The following MACROD2 variants were observed in gnomAD, a reference collection of about 807,000 sequenced individuals.
MACROD2 encodes mono-ADP ribosylhydrolase 2.
A neutral mutation model predicts 70.4 loss-of-function variants in MACROD2; 36 were observed. The observed-to-expected ratio is 0.51, with a 90% confidence interval of 0.39 to 0.68. MACROD2 has a LOEUF of 0.68. MACROD2 is among the 30% of genes least tolerant of loss of function. The pLI, the probability that MACROD2 is intolerant of heterozygous loss-of-function variation, is 0.00. For missense variants in MACROD2, 496 were observed against 538.4 expected, an observed-to-expected ratio of 0.92 and a Z score of 0.78; for synonymous variants, 172 against 178.8, an observed-to-expected ratio of 0.96 and a Z score of 0.30.
intron 5 of MACROD2, among the ~76,000 whole-genome samples, chr20:14,727,895 G>A (rs1217813822): frequency 6.6e-6 from 1 of 152,004 alleles, no homozygotes; most frequent in African/African-American, 2.4e-5. Context: ...CTTTATATTA[G>A]TGACTATTTT....
intron 3 of MACROD2, among the ~76,000 whole-genome samples, chr20:14,169,397 T>A (rs2081199605): frequency 6.6e-6 from 1 of 152,074 alleles, no homozygotes; most frequent in African/African-American, 2.4e-5. Context: ...CTCCGCCTAC[T>A]GTGTTCAAGC....
intron 5 of MACROD2, among the ~76,000 whole-genome samples, chr20:14,979,937 C>T (rs984405862): frequency 6.6e-6 from 1 of 152,102 alleles, no homozygotes; most frequent in Non-Finnish European, 1.5e-5. Context: ...GATGATAATA[C>T]CTTCTTGGTA....
At chr20:15,655,628 G>T (rs1437506560) in intron 8 of MACROD2, among the ~76,000 whole-genome samples, 1 of 152,092 alleles carries the variant, frequency 6.6e-6, no homozygotes, top group African/African-American at 2.4e-5. Context: ...AATGTATATA[G>T]GAAAAGACAC....
intron 5 of MACROD2, among the ~76,000 whole-genome samples, chr20:14,971,843 T>C (rs1466697550): frequency 6.6e-6 from 1 of 152,126 alleles, no homozygotes; most frequent in Non-Finnish European, 1.5e-5. Context: ...ACTACACAAG[T>C]TGATGGCAAA....
chr20:15,534,497 T>C (rs2047847355), intron 8 of MACROD2, among the ~76,000 whole-genome samples: 3 of 152,188 alleles, frequency 2.0e-5, no homozygotes, highest in Admixed American at 6.5e-5. Context: ...ATACATTCAT[T>C]CTCCCTCCCT....
intron 5 of MACROD2, among the ~76,000 whole-genome samples, chr20:15,074,621 T>G (rs1219489347): frequency 6.6e-6 from 1 of 152,208 alleles, no homozygotes; most frequent in African/African-American, 2.4e-5. Flanking sequence ...ACCTGTGGTA[T>G]CTGGCACTAT....
Position 16,003,119 on chromosome 20 carries a change from CACAA to C in MACROD2, c.1153+15966_1153+15969del, listed in dbSNP as rs1401756952. On this transcript the variant is annotated intron_variant, in intron 15 of 17. Coordinates refer to ENST00000684519, the MANE Select transcript of MACROD2 (RefSeq NM_001351661.2). ...ACACACACACACACACACACACACA[CACAA>C]ACAATCTCTACCCTCAAGGGGAAGC... 9.8e-4 allele frequency among the ~76,000 whole-genome samples: 141 copies of C among 143,818 alleles called. No individual in the cohort carries two copies. The Middle Eastern group carries it at 0.011, about 12-fold the overall frequency. 94.4% of individuals were successfully genotyped at this position (143,818 alleles called of 152,430 possible). A position where few individuals can be genotyped will look rare whatever the true frequency, so the allele number is the denominator to read the frequency against.
chr20:15,709,562 G>A (rs1373412770), intron 8 of MACROD2, among the ~76,000 whole-genome samples: 2 of 152,154 alleles, frequency 1.3e-5, no homozygotes, highest in Admixed American at 1.3e-4. Context: ...AGCTACTCGG[G>A]AAGCTGAGGT....
chr20:15,545,158 A>G (rs1203036377), intron 8 of MACROD2, among the ~76,000 whole-genome samples: 1 of 152,230 alleles, frequency 6.6e-6, no homozygotes. Flanking sequence ...GGAAATGAAT[A>G]TTATTTGTTC....
At chr20:14,349,761 G>A (rs950023392) in intron 3 of MACROD2, among the ~76,000 whole-genome samples, 31 of 149,808 alleles carry the variant, frequency 2.1e-4, no homozygotes, top group African/African-American at 7.1e-4. Context: ...GTAATATAAT[G>A]ACCTTCAGTT....
At chr20:14,387,354 C>T (rs2083479816) in intron 3 of MACROD2, among the ~76,000 whole-genome samples, 2 of 151,884 alleles carry the variant, frequency 1.3e-5, no homozygotes, top group South Asian at 4.1e-4. Context: ...ATTTGTTTAA[C>T]AAGTTTTTTC....
rs531208811 is a variant in MACROD2 at position 15,149,376 on chromosome 20, G to T, written c.419-80564G>T. 3.9e-5 allele frequency among the ~76,000 whole-genome samples: 6 copies of T among 152,122 alleles called. No individual in the cohort carries two copies. In the East Asian group the frequency reaches 1.2e-3, roughly 29 times the overall value. ...TGGAGCTGCCATCAGTAAACCAAGTGTGATCAGGGTGAGGAACAGGAAAGA... is the reference window on the plus strand; with the variant it reads ...TGGAGCTGCCATCAGTAAACCAAGTTTGATCAGGGTGAGGAACAGGAAAGA... On this transcript the variant is annotated intron_variant, in intron 5 of 17. Coordinates refer to ENST00000684519, the MANE Select transcript of MACROD2 (RefSeq NM_001351661.2).
chr20:14,197,643 T>G (rs2081443899), intron 3 of MACROD2, among the ~76,000 whole-genome samples: 1 of 151,998 alleles, frequency 6.6e-6, no homozygotes, highest in East Asian at 1.9e-4. Flanking sequence ...GGTGGGCGCC[T>G]GTAATCCCAG....
At chr20:15,208,648 C>G (rs1433824028) in intron 5 of MACROD2, among the ~76,000 whole-genome samples, 1 of 152,186 alleles carries the variant, frequency 6.6e-6, no homozygotes, top group Non-Finnish European at 1.5e-5. Flanking sequence ...TCCTTTGACA[C>G]TCCAGGGAGG....
chr20:14,781,919 C>A (rs573979349), intron 5 of MACROD2, among the ~76,000 whole-genome samples: 1 of 151,590 alleles, frequency 6.6e-6, no homozygotes, highest in South Asian at 2.1e-4. Context: ...ATTTCTTTTT[C>A]TGTTTTTCTT....
At chr20:14,650,906 G>T (rs549699335) in intron 4 of MACROD2, among the ~76,000 whole-genome samples, 4 of 152,270 alleles carry the variant, frequency 2.6e-5, no homozygotes, top group African/African-American at 9.6e-5. Flanking sequence ...CCCAAACAGG[G>T]ATAGTTAAGT....
chr20:14,358,677 C>T (rs539713599), intron 3 of MACROD2, among the ~76,000 whole-genome samples: 2 of 152,022 alleles, frequency 1.3e-5, no homozygotes, highest in South Asian at 2.1e-4. Context: ...AGGATGGTCT[C>T]GATTTCTTGA....
intron 4 of MACROD2, among the ~76,000 whole-genome samples, chr20:14,529,647 AT>A (rs1371489434): frequency 6.6e-6 from 1 of 152,202 alleles, no homozygotes; most frequent in Non-Finnish European, 1.5e-5. Context: ...GCCAAGACTG[AT>A]CAAGGTTTAT....
chr20:15,517,110 C>T (rs2047578526), intron 8 of MACROD2, among the ~76,000 whole-genome samples: 1 of 152,034 alleles, frequency 6.6e-6, no homozygotes, highest in Admixed American at 6.6e-5. Flanking sequence ...TGGGAAGGAT[C>T]CATAGGTTCT....
Sources: allele counts gnomAD v4.1 joint callset (sites outside exome capture counted in the v4.1 genomes callset), GRCh38; gene constraint gnomAD v4.1.1; transcripts MANE v1.5; gene names NCBI Gene and HGNC (gene_info 2026-07-23, HGNC 2026-07-21).